TNS3: variants seen among roughly 807,000 people sequenced by gnomAD.
The protein encoded by TNS3 is tensin 3.
TNS3 carries 45 observed loss-of-function variants against 140.9 expected under a neutral mutation model. The ratio of observed to expected loss-of-function variants is 0.32; its 90% CI spans 0.25 to 0.41. The LOEUF is 0.41. TNS3 is among the 10% of genes least tolerant of loss of function. TNS3 has a pLI of 1.00. For missense variants in TNS3, 1,716 were observed against 1,906.7 expected, an observed-to-expected ratio of 0.90 and a Z score of 1.86; for synonymous variants, 815 against 788.4, an observed-to-expected ratio of 1.03 and a Z score of -0.56.
intron 2 of TNS3, among the ~76,000 whole-genome samples, chr7:47,527,094 G>A (rs1465775266): frequency 2.0e-5 from 3 of 150,600 alleles, no homozygotes; most frequent in Admixed American, 6.6e-5. Context: ...AAAATTAGCC[G>A]GGCATGGTGG....
intron 9 of TNS3, 86 bp downstream of exon 9, chr7:47,428,226 G>C: frequency 2.9e-6 from 3 of 1,031,924 alleles, no homozygotes; most frequent in Non-Finnish European, 3.9e-6. Flanking sequence ...TTGGTATCCA[G>C]AACAGCTCCC....
At chr7:47,394,465 G>C (rs1358392738) in intron 16 of TNS3, among the ~76,000 whole-genome samples, 1 of 152,220 alleles carries the variant, frequency 6.6e-6, no homozygotes, top group Non-Finnish European at 1.5e-5. Flanking sequence ...CTCAAAGTAG[G>C]AGAAATACAC....
intron 8 of TNS3, among the ~76,000 whole-genome samples, chr7:47,429,645 G>C (rs1054911245): frequency 6.6e-6 from 1 of 152,200 alleles, no homozygotes; most frequent in Non-Finnish European, 1.5e-5. Flanking sequence ...GGGACTATGG[G>C]ACTACAGGCG....
chr7:47,406,652 C>T (rs544898707), intron 13 of TNS3, among the ~76,000 whole-genome samples: 1 of 152,322 alleles, frequency 6.6e-6, no homozygotes, highest in South Asian at 2.1e-4. Flanking sequence ...AGACTGAGGG[C>T]ACCAAGCCAT....
intron 3 of TNS3, among the ~76,000 whole-genome samples, chr7:47,498,931 T>C (rs1322543791): frequency 6.6e-6 from 1 of 152,274 alleles, no homozygotes; most frequent in Non-Finnish European, 1.5e-5. Flanking sequence ...CCCGAGCTGC[T>C]GGCAGCTGGT....
chr7:47,450,401 A>G lies in TNS3; in HGVS notation c.-75-8346T>C, dbSNP rs150228736. On this transcript the variant is annotated intron_variant, in intron 4 of 30. Coordinates refer to ENST00000311160, the MANE Select transcript of TNS3 (RefSeq NM_022748.12). ...TCAGCTTGACAGCTCGGTAAAAGCT[A>G]ACAGTGTGACTTGGATACACATGAC... Among the ~76,000 whole-genome samples the G allele has an allele frequency of 5.8e-4, 88 of 152,366 alleles. 1 individual carries two copies. The highest frequency in any genetic ancestry group is 2.1e-3 in the African/African-American group (86 of 41,586).
At chr7:47,434,888 A>T (rs834591) in intron 8 of TNS3, among the ~76,000 whole-genome samples, 40,360 of 152,208 alleles carry the variant, frequency 0.27, 6,388 homozygotes, top group Non-Finnish European at 0.34. Flanking sequence ...ACTGATTACC[A>T]TAACTCAAGA....
chr7:47,538,576 C>T (rs1429517224), intron 1 of TNS3, among the ~76,000 whole-genome samples: 2 of 152,208 alleles, frequency 1.3e-5, no homozygotes, highest in African/African-American at 2.4e-5. Flanking sequence ...GACATATGTG[C>T]AAATTCCAGC....
intron 22 of TNS3, among the ~76,000 whole-genome samples, chr7:47,302,548 G>T (rs1786466884): frequency 6.6e-6 from 1 of 152,210 alleles, no homozygotes; most frequent in Admixed American, 6.5e-5. Flanking sequence ...GGTAAGGTTG[G>T]TGTTGTTCAA....
chr7:47,477,862 G>C (rs1408337863), intron 4 of TNS3, among the ~76,000 whole-genome samples: 1 of 152,102 alleles, frequency 6.6e-6, no homozygotes, highest in African/African-American at 2.4e-5. Context: ...TCCGCTAAAT[G>C]GGGGGGTCTG....
At chr7:47,481,476 C>T (rs1462188946) in intron 3 of TNS3, among the ~76,000 whole-genome samples, 1 of 152,172 alleles carries the variant, frequency 6.6e-6, no homozygotes, top group Non-Finnish European at 1.5e-5. Context: ...TCGGTCCGTG[C>T]TTGGGGAGCT....
At chr7:47,288,673 G>T (rs1457052630) in intron 27 of TNS3, among the ~76,000 whole-genome samples, 1 of 152,186 alleles carries the variant, frequency 6.6e-6, no homozygotes, top group Non-Finnish European at 1.5e-5. Flanking sequence ...CCCTAAAACA[G>T]ATTTAGGGGC....
intron 4 of TNS3, among the ~76,000 whole-genome samples, chr7:47,462,837 C>A (rs1796544396): frequency 6.6e-6 from 1 of 152,178 alleles, no homozygotes; most frequent in Non-Finnish European, 1.5e-5. Context: ...CTTCTCCCTG[C>A]CTCTCCGGTT....
At chr7:47,550,401 C>T (rs1800030158) in intron 1 of TNS3, among the ~76,000 whole-genome samples, 1 of 152,204 alleles carries the variant, frequency 6.6e-6, no homozygotes, top group Non-Finnish European at 1.5e-5. Flanking sequence ...AGCAGCCAGA[C>T]CACAGGATCC....
chr7:47,369,897 C>A (rs570246623), intron 16 of TNS3, among the ~76,000 whole-genome samples: 1 of 152,192 alleles, frequency 6.6e-6, no homozygotes, highest in Non-Finnish European at 1.5e-5. Flanking sequence ...GGATTCTTCA[C>A]CTTTTGAATC....
At chr7:47,415,271 T>G in intron 10 of TNS3, 65 bp from the exon 11 acceptor site, 1 of 1,184,426 alleles carries the variant, frequency 8.4e-7, no homozygotes. Context: ...AGAAGGGAAC[T>G]CAAGGAGAAA....
chr7:47,410,320 A>G (rs1793696328), intron 13 of TNS3, among the ~76,000 whole-genome samples: 1 of 152,198 alleles, frequency 6.6e-6, no homozygotes, highest in Non-Finnish European at 1.5e-5. Flanking sequence ...ACGGGCCTAT[A>G]AAAACGTATG....
intron 3 of TNS3, among the ~76,000 whole-genome samples, chr7:47,498,298 A>G (rs1419692809): frequency 6.6e-6 from 1 of 152,178 alleles, no homozygotes; most frequent in African/African-American, 2.4e-5. Flanking sequence ...AGTTACCCTC[A>G]TTTCACAGAT....
intron 1 of TNS3, among the ~76,000 whole-genome samples, chr7:47,557,312 G>A (rs1038723389): frequency 3.9e-5 from 6 of 152,178 alleles, no homozygotes; most frequent in African/African-American, 7.2e-5. Flanking sequence ...ACCAGCAGCC[G>A]CCAAGGCTAC....
Sources: gnomAD v4.1 joint callset for allele counts (sites outside exome capture counted in the v4.1 genomes callset) on GRCh38, gnomAD v4.1.1 for gene constraint, MANE v1.5 for transcripts, NCBI Gene and HGNC (gene_info 2026-07-23, HGNC 2026-07-21) for gene names.